ERBB4: variants seen among roughly 807,000 people sequenced by gnomAD.
ERBB4 encodes the protein erb-b2 receptor tyrosine kinase 4, also known as receptor tyrosine-protein kinase erbB-4.
A neutral mutation model predicts 158.0 loss-of-function variants in ERBB4; 42 were observed. That is an observed-to-expected ratio of 0.27 (90% CI 0.21 to 0.34). ERBB4 has a LOEUF of 0.34. Among genes scored for constraint, ERBB4 ranks in the 10% least tolerant of loss-of-function variants. ERBB4 has a pLI of 1.00. For synonymous variants in ERBB4, 583 were observed against 558.7 expected, an observed-to-expected ratio of 1.04 and a Z score of -0.61; for missense variants, 1,333 against 1,624.1, an observed-to-expected ratio of 0.82 and a Z score of 3.08.
intron 1 of ERBB4, among the ~76,000 whole-genome samples, chr2:212,358,714 G>A (rs2089562949): frequency 6.6e-6 from 1 of 151,526 alleles, no homozygotes; most frequent in Non-Finnish European, 1.5e-5. Context: ...ACATCACAAA[G>A]GCTAAATGTT....
intron 2 of ERBB4, among the ~76,000 whole-genome samples, chr2:212,087,584 C>G (rs2078654531): frequency 1.3e-5 from 2 of 152,076 alleles, no homozygotes; most frequent in African/African-American, 4.8e-5. Flanking sequence ...ACTCAGCACT[C>G]TACACAGTCC....
intron 1 of ERBB4, among the ~76,000 whole-genome samples, chr2:212,303,066 T>G (rs1238489992): frequency 2.0e-5 from 3 of 151,156 alleles, no homozygotes; most frequent in Non-Finnish European, 4.4e-5. Flanking sequence ...GTTTATTATT[T>G]TCTTAGGTGG....
rs573967291 is a variant in ERBB4, at chr2:211,811,830, G to A, written c.422-23671C>T. ...ATCAGCTATTGAAGCTTGTGCATGC[G>A]TCATGTAGTTCTCGTGCCATGGTTT... is the stretch of plus-strand genomic sequence containing the variant. On this transcript the variant is annotated intron_variant, in intron 3 of 27. Coordinates refer to ENST00000342788, the MANE Select transcript of ERBB4 (RefSeq NM_005235.3). Among the ~76,000 whole-genome samples the A allele has an allele frequency of 2.7e-4, 41 of 152,020 alleles. No individual in the cohort carries two copies. The South Asian group carries it at 5.4e-3, about 20-fold the overall frequency.
At chr2:212,131,820 G>A (rs1240088702) in intron 1 of ERBB4, among the ~76,000 whole-genome samples, 2 of 152,188 alleles carry the variant, frequency 1.3e-5, no homozygotes, top group East Asian at 3.9e-4. Flanking sequence ...TGCAATGAAT[G>A]TTTGTGTCAC....
intron 7 of ERBB4, among the ~76,000 whole-genome samples, chr2:211,721,937 A>T (rs1442723110): frequency 6.6e-6 from 1 of 152,088 alleles, no homozygotes; most frequent in Non-Finnish European, 1.5e-5. Flanking sequence ...GTCTCGGCTC[A>T]CTGCAACCTC....
At chr2:212,202,299 G>A (rs1487390936) in intron 1 of ERBB4, among the ~76,000 whole-genome samples, 1 of 152,128 alleles carries the variant, frequency 6.6e-6, no homozygotes, top group African/African-American at 2.4e-5. Flanking sequence ...GACCTACTAT[G>A]TATCAGGCAT....
At chr2:212,507,729 G>T (rs1299757413) in intron 1 of ERBB4, among the ~76,000 whole-genome samples, 2 of 152,164 alleles carry the variant, frequency 1.3e-5, no homozygotes. Flanking sequence ...GCTTCTTATG[G>T]ATGAACAAAG....
chr2:211,975,481 C>A (rs2081579764), intron 2 of ERBB4, among the ~76,000 whole-genome samples: 1 of 152,122 alleles, frequency 6.6e-6, no homozygotes, highest in South Asian at 2.1e-4. Context: ...CTTCAAAGAA[C>A]AACTTCACTT....
chr2:212,196,791 T>C (rs1272078107), intron 1 of ERBB4, among the ~76,000 whole-genome samples: 1 of 152,154 alleles, frequency 6.6e-6, no homozygotes, highest in Non-Finnish European at 1.5e-5. Flanking sequence ...TTAATAATTA[T>C]GGTAGCTAAA....
intron 25 of ERBB4, among the ~76,000 whole-genome samples, chr2:211,401,391 T>G (rs1428352322): frequency 1.3e-5 from 2 of 152,096 alleles, no homozygotes; most frequent in African/African-American, 4.8e-5. Context: ...TTTTTTTTAA[T>G]CACTTCTACT....
intron 1 of ERBB4, among the ~76,000 whole-genome samples, chr2:212,382,997 A>G (rs2090559861): frequency 6.7e-6 from 1 of 150,132 alleles, no homozygotes; most frequent in Non-Finnish European, 1.5e-5. Context: ...ACTGTTTTTT[A>G]TATTGCGATA....
chr2:211,863,394 C>T (rs2078119469), intron 3 of ERBB4, among the ~76,000 whole-genome samples: 1 of 152,222 alleles, frequency 6.6e-6, no homozygotes, highest in Admixed American at 6.5e-5. Context: ...CTCAGGTCCC[C>T]TTCCATGCTG....
chr2:211,871,016 A>G (rs1287013452), intron 3 of ERBB4, among the ~76,000 whole-genome samples: 1 of 152,236 alleles, frequency 6.6e-6, no homozygotes, highest in African/African-American at 2.4e-5. Flanking sequence ...TGGGAACACA[A>G]TTCTAAGTGT....
intron 1 of ERBB4, among the ~76,000 whole-genome samples, chr2:212,452,237 G>T (rs2092456792): frequency 6.6e-6 from 1 of 152,042 alleles, no homozygotes; most frequent in African/African-American, 2.4e-5. Flanking sequence ...AACCCCCAGA[G>T]AAACTTAAAG....
rs2082744608 is a variant in ERBB4, at chr2:212,206,358, A to C, written c.83-81455T>G. Reference sequence around the variant, plus strand: ...CTTCTAGCTCTCTGACCTTAAGCAAATTATGTAGTTACATTTGTAAAATGT... The same window carrying C: ...CTTCTAGCTCTCTGACCTTAAGCAACTTATGTAGTTACATTTGTAAAATGT... On this transcript the variant is annotated intron_variant, in intron 1 of 27. Coordinates refer to ENST00000342788, the MANE Select transcript of ERBB4 (RefSeq NM_005235.3). Among the ~76,000 whole-genome samples, 3 of 152,244 alleles carry C rather than the reference A, an allele frequency of 2.0e-5. No homozygotes were observed. In the South Asian group the frequency reaches 6.2e-4, roughly 32 times the overall value.
intron 6 of ERBB4, among the ~76,000 whole-genome samples, chr2:211,723,934 T>C (rs1254151191): frequency 6.6e-6 from 1 of 152,186 alleles, no homozygotes; most frequent in African/African-American, 2.4e-5. Context: ...AAATGATAAT[T>C]TGAAGCTCAC....
intron 16 of ERBB4, among the ~76,000 whole-genome samples, chr2:211,645,908 CT>C (rs1376016540): frequency 4.0e-5 from 6 of 151,616 alleles, no homozygotes; most frequent in African/African-American, 1.2e-4. Context: ...GCTAAACATA[CT>C]TTTTTAATGC....
chr2:211,559,789 T>C lies in ERBB4; in HGVS notation c.2487+2114A>G, dbSNP rs370966177. 2.3e-3 allele frequency among the ~76,000 whole-genome samples: 355 copies of C among 152,280 alleles called. 2 individuals carry two copies. The highest frequency in any genetic ancestry group is 7.0e-3 in the South Asian group (34 of 4,826). On this transcript the variant is annotated intron_variant, in intron 20 of 27. Transcript: ENST00000342788. ...CATACATACCTCAGTCAACATCGTA[T>C]CTGAAACAAGATAAAAGCCCACCAA... is the stretch of plus-strand genomic sequence containing the variant.
chr2:212,008,269 T>C (rs1386002407), intron 2 of ERBB4, among the ~76,000 whole-genome samples: 1 of 152,066 alleles, frequency 6.6e-6, no homozygotes, highest in Non-Finnish European at 1.5e-5. Context: ...GAGAATGTCA[T>C]TTGTTTTTGG....
Sources: allele counts gnomAD v4.1 joint callset (sites outside exome capture counted in the v4.1 genomes callset), GRCh38; gene constraint gnomAD v4.1.1; transcripts MANE v1.5; gene names NCBI Gene and HGNC (gene_info 2026-07-23, HGNC 2026-07-21).